The following L3HYPDH variants were observed in gnomAD, a reference collection of about 807,000 sequenced individuals.
The protein encoded by L3HYPDH is trans-L-3-hydroxyproline dehydratase.
In L3HYPDH, 32 loss-of-function variants were observed where a neutral mutation model predicts 26.5. The observed-to-expected ratio is 1.21, with a 90% CI of 0.91 to 1.62. The LOEUF (loss-of-function observed/expected upper bound fraction) is 1.62. Among genes scored for constraint, L3HYPDH ranks in the 40% most tolerant of loss-of-function variants. L3HYPDH has a pLI of 0.00. For missense variants in L3HYPDH, 554 were observed against 476.4 expected (o/e 1.16, Z -1.52); for synonymous variants, 215 against 196.6 (o/e 1.09, Z -0.78).
At chr14:59,474,495 A>G in intron 4 of L3HYPDH, 1 of 700,266 alleles carries the variant, frequency 1.4e-6, no homozygotes. Flanking sequence ...TTGGGGGGAC[A>G]TTGCAATCCC....
chr14:59,475,163 T>G (rs1594907166), intron 4 of L3HYPDH: 2 of 152,054 alleles, frequency 1.3e-5, no homozygotes, highest in South Asian at 2.1e-4. Flanking sequence ...GGCTTTCACA[T>G]CCTATTATAT....
At chr14:59,491,642 A>G in the L3HYPDH span, among the ~76,000 whole-genome samples, 1 of 152,260 alleles carries the variant, frequency 6.6e-6, no homozygotes, top group Admixed American at 6.5e-5. Flanking sequence ...ACCCACCTGC[A>G]TGAAATAACT....
chr14:59,479,339 T>A lies in L3HYPDH; in HGVS notation c.521A>T (p.Asp174Val). The part of the protein sequence containing the change: ...AFVLATDLMV[D>V]VPGHGKVMVD... The stretch of plus-strand genomic sequence containing the variant: ...CATCACCTTTCCATGTCCAGGAACA[T>A]CCACCATGAGATCTAAAAAAAAGAT... Residue 174 changes from aspartate to valine, a missense_variant, in exon 2 of 5, where the codon GAT becomes GTT. Transcript: ENST00000247194. 1 of 1,611,470 alleles carries A rather than the reference T, an allele frequency of 6.2e-7. No individual in the cohort carries two copies. The highest frequency in any genetic ancestry group is 1.1e-5 in the South Asian group (1 of 90,284).
chr14:59,471,782 T>TA (rs1889317192), downstream of L3HYPDH, among the ~76,000 whole-genome samples: 1 of 152,202 alleles, frequency 6.6e-6, no homozygotes, highest in Non-Finnish European at 1.5e-5. Context: ...TTATTTTTTT[T>TA]AAAAAGTATA....
chr14:59,501,996 T>G, the L3HYPDH span, among the ~76,000 whole-genome samples: 1 of 152,182 alleles, frequency 6.6e-6, no homozygotes, highest in Non-Finnish European at 1.5e-5. Context: ...TCAAATATTC[T>G]AAAGGAACTA....
At position 59,484,388 on chromosome 14, in the gene L3HYPDH, G is replaced by A. The variant is rs985403946; in HGVS notation, c.-72C>T. On this transcript the variant is annotated 5_prime_UTR_variant, in exon 1 of 5. Coordinates refer to ENST00000247194, the MANE Select transcript of L3HYPDH (RefSeq NM_144581.2). The stretch of plus-strand genomic sequence containing the variant: ...AGCCCGACCCTCACCCACTGACTCC[G>A]CGGGAGGAGGGCGGGACGCTAACCA... 11 of 1,474,342 alleles carry A rather than the reference G, an allele frequency of 7.5e-6. No individual in the cohort carries two copies. In the African/African-American group the frequency reaches 1.1e-4, roughly 15 times the overall value. 91.3% of individuals were successfully genotyped at this position (1,474,342 alleles called of 1,614,324 possible). A position where few individuals can be genotyped will look rare whatever the true frequency, so the allele number is the denominator to read the frequency against.
intron 2 of L3HYPDH, 65 bp downstream of exon 2, chr14:59,479,114 CATA>C (rs1295156176): frequency 1.1e-5 from 12 of 1,121,866 alleles, no homozygotes; most frequent in Non-Finnish European, 7.7e-6. Flanking sequence ...TCTTTATAGA[CATA>C]ATAATGTATA....
chr14:59,496,649 G>C, the L3HYPDH span, among the ~76,000 whole-genome samples: 1 of 152,104 alleles, frequency 6.6e-6, no homozygotes, highest in Non-Finnish European at 1.5e-5. Flanking sequence ...CACTTTTTCT[G>C]CTGATTTGAG....
intron 1 of L3HYPDH, among the ~76,000 whole-genome samples, chr14:59,480,498 T>C (rs1484862707): frequency 2.0e-5 from 3 of 152,184 alleles, no homozygotes; most frequent in Non-Finnish European, 4.4e-5. Context: ...CTCACACATA[T>C]CAGGAAAGGG....
rs1240690067 is a variant in L3HYPDH at position 59,476,283 on chromosome 14, G to A, written c.679-69C>T. On this transcript the variant is annotated intron_variant, in intron 2 of 4. Transcript: ENST00000247194. Reference sequence around the variant, plus strand: ...ATTCAAATTTATAAATAATGCAGATGGGTCATTCTTAGACATAACTTTTTA... The same window carrying A: ...ATTCAAATTTATAAATAATGCAGATAGGTCATTCTTAGACATAACTTTTTA... 6.7e-6 allele frequency: 8 copies of A among 1,190,380 alleles called. No individual in the cohort carries two copies. In the East Asian group the frequency reaches 1.7e-4, roughly 26 times the overall value. The allele number at this position is 1,190,380 out of a possible 1,614,324, so 73.7% of individuals were successfully genotyped here. A position where few individuals can be genotyped will look rare whatever the true frequency, so the allele number is the denominator to read the frequency against.
chr14:59,499,755 G>T, the L3HYPDH span, among the ~76,000 whole-genome samples: 5 of 152,278 alleles, frequency 3.3e-5, no homozygotes, highest in Admixed American at 2.0e-4. Context: ...GGGCTTGAGG[G>T]TAAGACCAAG....
At position 59,484,147 on chromosome 14, in the gene L3HYPDH, T is replaced by A; in HGVS notation, c.170A>T (p.His57Leu). 6.2e-7 allele frequency: 1 copy of A among 1,601,232 alleles called. No individual in the cohort carries two copies. The highest frequency in any genetic ancestry group is 1.1e-5 in the South Asian group (1 of 90,856). ...LLAKRRYMRQ[H>L]LDHVRRRLMF... ...GAGCCGTCGCCGCACGTGGTCAAGGTGCTGGCGCATGTAGCGCCGCTTGGC... is the reference window on the plus strand; with the variant it reads ...GAGCCGTCGCCGCACGTGGTCAAGGAGCTGGCGCATGTAGCGCCGCTTGGC... The change falls in exon 1 of 5, where the codon CAC becomes CTC. Residue 57 changes from histidine to leucine, a missense_variant. Coordinates refer to ENST00000247194, the MANE Select transcript of L3HYPDH (RefSeq NM_144581.2).
chr14:59,493,015 G>A, the L3HYPDH span, among the ~76,000 whole-genome samples: 1 of 151,258 alleles, frequency 6.6e-6, no homozygotes, highest in Non-Finnish European at 1.5e-5. Context: ...AGCCAGGATG[G>A]TCTTGATTTC....
In L3HYPDH at chr14:59,472,613, A is replaced by G. The variant is rs1365831706; in HGVS notation, c.*352T>C. On this transcript the variant is annotated 3_prime_UTR_variant, in exon 5 of 5. Coordinates refer to ENST00000247194, the MANE Select transcript of L3HYPDH (RefSeq NM_144581.2). ...AATAATGAGCTTGTAAAGTTCAGTT[A>G]AATTCCACATATTATTCGAAGAGCC... 6.0e-6 allele frequency: 1 copy of G among 165,698 alleles called. No individual in the cohort carries two copies. The highest frequency in any genetic ancestry group is 1.3e-5 in the Non-Finnish European group (1 of 77,624). The allele number at this position is 165,698 out of a possible 1,614,324, so 10.3% of individuals were successfully genotyped here. A position where few individuals can be genotyped will look rare whatever the true frequency, so the allele number is the denominator to read the frequency against.
At chr14:59,476,939 C>T (rs1359797582) in intron 2 of L3HYPDH, among the ~76,000 whole-genome samples, 1 of 152,156 alleles carries the variant, frequency 6.6e-6, no homozygotes, top group African/African-American at 2.4e-5. Context: ...CAAACATTTA[C>T]AGTATGACTG....
chr14:59,482,902 T>C (rs1418519208), intron 1 of L3HYPDH, among the ~76,000 whole-genome samples: 2 of 152,210 alleles, frequency 1.3e-5, no homozygotes, highest in Non-Finnish European at 2.9e-5. Flanking sequence ...GCATTCTTAC[T>C]GATAGAATTC....
chr14:59,477,640 G>A (rs1436872391), intron 2 of L3HYPDH, among the ~76,000 whole-genome samples: 1 of 152,148 alleles, frequency 6.6e-6, no homozygotes, highest in African/African-American at 2.4e-5. Context: ...CTGCTTAATG[G>A]AACAGAAAAC....
At chr14:59,469,981 TAAAG>T (rs1327315840), downstream of L3HYPDH, among the ~76,000 whole-genome samples, 3 of 151,990 alleles carry the variant, frequency 2.0e-5, no homozygotes, top group Non-Finnish European at 2.9e-5. Flanking sequence ...AAGAAGCAGA[TAAAG>T]AAAGCAAAGC....
the L3HYPDH span, chr14:59,500,936 C>T: frequency 2.6e-6 from 1 of 389,432 alleles, no homozygotes; most frequent in Non-Finnish European, 4.6e-6. Flanking sequence ...TGTATGTATT[C>T]TCTATGGCTG....
Sources: allele counts gnomAD v4.1 joint callset (sites outside exome capture counted in the v4.1 genomes callset), GRCh38; gene constraint gnomAD v4.1.1; transcripts MANE v1.5; gene names NCBI Gene and HGNC (gene_info 2026-07-23, HGNC 2026-07-21).